Variants in IGF1R observed in about 807,000 individuals in gnomAD.
IGF1R encodes insulin-like growth factor 1 receptor.
Under a neutral mutation model 144.6 loss-of-function variants are expected in IGF1R, and 44 were observed. The observed-to-expected ratio is 0.30, with a 90% CI of 0.24 to 0.39. IGF1R has a LOEUF of 0.39. Ranked by LOEUF, IGF1R falls within the 10% of genes least tolerant of loss-of-function variation. IGF1R has a pLI of 1.00. For missense variants in IGF1R, 1,355 were observed against 1,833.7 expected, an observed-to-expected ratio of 0.74 and a Z score of 4.77; for synonymous variants, 795 against 722.8, an observed-to-expected ratio of 1.10 and a Z score of -1.60.
intron 19 of IGF1R, among the ~76,000 whole-genome samples, chr15:98,946,247 G>C (rs2016549999): frequency 1.3e-5 from 2 of 151,968 alleles, no homozygotes; most frequent in South Asian, 4.1e-4. Flanking sequence ...TGCTGGGCAG[G>C]CATGGCAGTA....
At chr15:98,689,234 CTTT>C (rs890361771) in intron 1 of IGF1R, among the ~76,000 whole-genome samples, 3 of 100,928 alleles carry the variant, frequency 3.0e-5, no homozygotes, top group African/African-American at 1.2e-4. Flanking sequence ...AGTTGCACTA[CTTT>C]TTTTTTTTTT....
At chr15:98,650,666 T>G (rs990754601) in intron 1 of IGF1R, among the ~76,000 whole-genome samples, 3 of 152,324 alleles carry the variant, frequency 2.0e-5, no homozygotes, top group African/African-American at 7.2e-5. Context: ...GCGAGAGGTG[T>G]CGTACGCTGT....
At chr15:98,863,104 A>C (rs2012247616) in intron 2 of IGF1R, among the ~76,000 whole-genome samples, 2 of 152,166 alleles carry the variant, frequency 1.3e-5, no homozygotes, top group African/African-American at 4.8e-5. Context: ...TTCTTTAGTC[A>C]TTCACGAAGT....
At chr15:98,741,211 A>G (rs1370493171) in intron 2 of IGF1R, among the ~76,000 whole-genome samples, 1 of 106,030 alleles carries the variant, frequency 9.4e-6, no homozygotes, top group Non-Finnish European at 1.9e-5. Flanking sequence ...TTCTGTTGAT[A>G]TGGCTTTATA....
chr15:98,828,862 T>A (rs2056949962), intron 2 of IGF1R, among the ~76,000 whole-genome samples: 1 of 151,864 alleles, frequency 6.6e-6, no homozygotes, highest in Non-Finnish European at 1.5e-5. Context: ...GTGCATTTGT[T>A]CATTTATATC....
chr15:98,821,552 G>A (rs894293764), intron 2 of IGF1R, among the ~76,000 whole-genome samples: 1 of 152,182 alleles, frequency 6.6e-6, no homozygotes, highest in Non-Finnish European at 1.5e-5. Flanking sequence ...TGAGTGATGC[G>A]TGAGGGAGGC....
intron 2 of IGF1R, among the ~76,000 whole-genome samples, chr15:98,858,237 T>C (rs2011944435): frequency 6.6e-6 from 1 of 152,240 alleles, no homozygotes; most frequent in Non-Finnish European, 1.5e-5. Flanking sequence ...GTTTAAAATT[T>C]TAGTTGAGTT....
At chr15:98,873,169 T>C (rs1030564650) in intron 2 of IGF1R, among the ~76,000 whole-genome samples, 10 of 152,182 alleles carry the variant, frequency 6.6e-5, no homozygotes, top group African/African-American at 2.4e-4. Context: ...GGTAAATTTT[T>C]TTACATGGGA....
At chr15:98,813,406 C>G (rs2056634061) in intron 2 of IGF1R, among the ~76,000 whole-genome samples, 1 of 152,218 alleles carries the variant, frequency 6.6e-6, no homozygotes, top group Non-Finnish European at 1.5e-5. Context: ...GCCCCTACAC[C>G]CCAGAGCCTG....
chr15:98,828,698 G>A (rs990913774), intron 2 of IGF1R, among the ~76,000 whole-genome samples: 3 of 151,488 alleles, frequency 2.0e-5, no homozygotes, highest in Non-Finnish European at 4.4e-5. Flanking sequence ...GACATGAGGC[G>A]GACTTACTAT....
intron 2 of IGF1R, among the ~76,000 whole-genome samples, chr15:98,870,911 T>C (rs2012749668): frequency 6.6e-6 from 1 of 152,262 alleles, no homozygotes; most frequent in Non-Finnish European, 1.5e-5. Context: ...CCAGGATGAC[T>C]TTTTGTGAAG....
At chr15:98,784,088 C>A (rs557287981) in intron 2 of IGF1R, among the ~76,000 whole-genome samples, 1 of 150,862 alleles carries the variant, frequency 6.6e-6, no homozygotes, top group Non-Finnish European at 1.5e-5. Context: ...GATTCTCCTG[C>A]CTCAGCCTCC....
intron 1 of IGF1R, among the ~76,000 whole-genome samples, chr15:98,705,676 C>T (rs754330385): frequency 6.6e-6 from 1 of 152,224 alleles, no homozygotes. Context: ...TGCTCAGTTT[C>T]TGTCTTTGAT....
chr15:98,711,675 A>G (rs1289090187), intron 2 of IGF1R, among the ~76,000 whole-genome samples: 2 of 151,702 alleles, frequency 1.3e-5, no homozygotes, highest in Admixed American at 1.3e-4. Context: ...TTGTCTTCCA[A>G]CGCCACCCTC....
intron 10 of IGF1R, among the ~76,000 whole-genome samples, chr15:98,917,457 A>G (rs2015304550): frequency 6.6e-6 from 1 of 152,208 alleles, no homozygotes; most frequent in Non-Finnish European, 1.5e-5. Flanking sequence ...TCAAAGCAAC[A>G]CAGCCCCTGC....
intron 1 of IGF1R, among the ~76,000 whole-genome samples, chr15:98,705,398 G>T (rs1284417764): frequency 1.3e-5 from 2 of 152,268 alleles, no homozygotes; most frequent in South Asian, 4.1e-4. Flanking sequence ...GACAAGCCTT[G>T]TGTCAAGTTT....
At chr15:98,918,890 A>C (rs1332757063) in intron 10 of IGF1R, among the ~76,000 whole-genome samples, 2 of 151,926 alleles carry the variant, frequency 1.3e-5, no homozygotes, top group African/African-American at 4.8e-5. Flanking sequence ...AGAAAAAAAA[A>C]ACACCAGAGC....
intron 1 of IGF1R, among the ~76,000 whole-genome samples, chr15:98,679,758 C>T (rs2053141865): frequency 6.6e-6 from 1 of 152,164 alleles, no homozygotes; most frequent in Non-Finnish European, 1.5e-5. Context: ...GCAGGTCCTT[C>T]AGGAGGTATC....
chr15:98,746,143 A>G (rs2054859833), intron 2 of IGF1R, among the ~76,000 whole-genome samples: 2 of 152,196 alleles, frequency 1.3e-5, no homozygotes, highest in Non-Finnish European at 2.9e-5. Context: ...AGGAGGGTAA[A>G]TAAGACTGCA....
Sources: gnomAD v4.1 joint callset for allele counts (sites outside exome capture counted in the v4.1 genomes callset) on GRCh38, gnomAD v4.1.1 for gene constraint, MANE v1.5 for transcripts, NCBI Gene and HGNC (gene_info 2026-07-23, HGNC 2026-07-21) for gene names.